Variants in GPC6 observed in about 807,000 individuals in gnomAD.
GPC6 encodes glypican-6.
Under a neutral mutation model 55.2 loss-of-function variants are expected in GPC6, and 14 were observed. That is an observed-to-expected ratio of 0.25 (90% confidence interval 0.17 to 0.40). The LOEUF is 0.40. GPC6 is among the 10% of genes least tolerant of loss of function. The pLI is 1.00. For missense variants in GPC6, 641 were observed against 708.5 expected (o/e 0.90, Z 1.08); for synonymous variants, 278 against 259.6 (o/e 1.07, Z -0.68).
intron 3 of GPC6, among the ~76,000 whole-genome samples, chr13:93,905,472 A>G (rs779196378): frequency 6.6e-6 from 1 of 152,196 alleles, no homozygotes; most frequent in Non-Finnish European, 1.5e-5. Flanking sequence ...GGCACAAGTT[A>G]CAATTTCCTG....
rs1317617570 is a variant in GPC6, at chr13:93,783,572, A to ATCTG, written c.320-46578_320-46575dup. ...CTCACTGTGGTTTTGAGATCTATCT[A>ATCTG]TCTGTCTATCTATCTATCTATCTAT... On this transcript the variant is annotated intron_variant, in intron 2 of 8. Coordinates refer to ENST00000377047, the MANE Select transcript of GPC6 (RefSeq NM_005708.5). Among the ~76,000 whole-genome samples the ATCTG allele has an allele frequency of 5.3e-5, 7 of 131,346 alleles. No homozygotes were observed. The South Asian group carries it at 1.7e-3, about 32-fold the overall frequency. The allele number at this position is 131,346 out of a possible 152,430, so 86.2% of individuals were successfully genotyped here.
chr13:93,822,213 T>C (rs1887073169), intron 2 of GPC6, among the ~76,000 whole-genome samples: 1 of 152,100 alleles, frequency 6.6e-6, no homozygotes, highest in Non-Finnish European at 1.5e-5. Context: ...TGTGTACAAA[T>C]ATCATAAAAT....
chr13:94,382,371 C>T, intron 6 of GPC6, 43 bp from the exon 7 acceptor site: 1 of 1,610,976 alleles, frequency 6.2e-7, no homozygotes, highest in Non-Finnish European at 8.5e-7. Flanking sequence ...ATGGGGAAAG[C>T]CTGAGCAGAA....
rs549537030 is a variant in GPC6, at chr13:93,653,943, C to T, written c.319+108522C>T. ...TCACACTTTTATCCGCCTAGAGAAG[C>T]GGAAATCTGTTTTACTCTGTCACTC... On this transcript the variant is annotated intron_variant, in intron 2 of 8. Transcript: ENST00000377047. Among the ~76,000 whole-genome samples the T allele has an allele frequency of 2.0e-4, 30 of 152,242 alleles. No homozygotes were observed. The East Asian group carries it at 5.6e-3, about 28-fold the overall frequency.
intron 2 of GPC6, among the ~76,000 whole-genome samples, chr13:93,771,084 T>C (rs1885274984): frequency 6.6e-6 from 1 of 152,154 alleles, no homozygotes; most frequent in African/African-American, 2.4e-5. Flanking sequence ...GTGCCAAACA[T>C]ATTGATAACA....
chr13:94,101,174 A>C (rs1885842055), intron 4 of GPC6, among the ~76,000 whole-genome samples: 1 of 152,194 alleles, frequency 6.6e-6, no homozygotes, highest in Admixed American at 6.5e-5. Flanking sequence ...TCTGTTTTAA[A>C]CTATACATTA....
chr13:93,774,075 A>T (rs554624090), intron 2 of GPC6, among the ~76,000 whole-genome samples: 33 of 152,312 alleles, frequency 2.2e-4, no homozygotes, highest in African/African-American at 7.2e-4. Flanking sequence ...GCCATTGTAT[A>T]TGACATGGGG....
intron 1 of GPC6, among the ~76,000 whole-genome samples, chr13:93,353,417 A>T (rs1880702441): frequency 6.6e-6 from 1 of 152,194 alleles, no homozygotes; most frequent in Admixed American, 6.5e-5. Flanking sequence ...TGGCATAATA[A>T]CTAGGAGCAT....
In GPC6 at chr13:94,083,009, A is replaced by G. The variant is rs1185790920; in HGVS notation, c.877+55115A>G. Among the ~76,000 whole-genome samples, 3 of 152,324 alleles carry G rather than the reference A, an allele frequency of 2.0e-5. No individual in the cohort carries two copies. The East Asian group carries it at 5.8e-4, about 29-fold the overall frequency. On this transcript the variant is annotated intron_variant, in intron 4 of 8. Coordinates refer to ENST00000377047, the MANE Select transcript of GPC6 (RefSeq NM_005708.5). ...GGCATATCTGTTCACGAATTGACTCATGATCTGTCAGAGATTTTCACCTAG... is the reference window on the plus strand; with the variant it reads ...GGCATATCTGTTCACGAATTGACTCGTGATCTGTCAGAGATTTTCACCTAG...
intron 2 of GPC6, among the ~76,000 whole-genome samples, chr13:93,552,890 A>G (rs1360321325): frequency 6.6e-6 from 1 of 152,230 alleles, no homozygotes; most frequent in African/African-American, 2.4e-5. Context: ...GAGAAATTTT[A>G]TTTAAGTTAA....
chr13:93,324,607 TATATAA>T lies in GPC6; in HGVS notation c.160+96993_160+96998del, dbSNP rs1176601087. On this transcript the variant is annotated intron_variant, in intron 1 of 8. Transcript: ENST00000377047. ...ACATACATATATATATATATATATA[TATATAA>T]AATCTCTGAGCAGCCTAGACAACAA... 6.5e-4 allele frequency among the ~76,000 whole-genome samples: 60 copies of T among 91,954 alleles called. 1 individual carries two copies. The highest frequency in any genetic ancestry group is 5.1e-3 in the South Asian group (11 of 2,138). The allele number at this position is 91,954 out of a possible 152,430, so 60.3% of individuals were successfully genotyped here.
intron 1 of GPC6, among the ~76,000 whole-genome samples, chr13:93,446,406 CT>C (rs5805805): frequency 0.17 from 25,977 of 152,006 alleles, 2,740 homozygotes; most frequent in Non-Finnish European, 0.24. Context: ...TTCAGAAATA[CT>C]GCAATCACAA....
At chr13:93,372,129 G>C (rs1874680681) in intron 1 of GPC6, among the ~76,000 whole-genome samples, 1 of 152,276 alleles carries the variant, frequency 6.6e-6, no homozygotes, top group Non-Finnish European at 1.5e-5. Context: ...TTTTCAGTAT[G>C]TATGTGTATC....
chr13:93,386,432 G>A (rs1006294443), intron 1 of GPC6, among the ~76,000 whole-genome samples: 1 of 152,130 alleles, frequency 6.6e-6, no homozygotes, highest in South Asian at 2.1e-4. Context: ...CATGGCCCAC[G>A]GGAACCAATC....
At chr13:93,893,632 C>T (rs781657226) in intron 3 of GPC6, among the ~76,000 whole-genome samples, 2 of 152,076 alleles carry the variant, frequency 1.3e-5, no homozygotes, top group Admixed American at 6.6e-5. Context: ...TTCCACTCAC[C>T]CACAAGGATT....
chr13:94,346,932 C>T (rs1878322394), intron 6 of GPC6, among the ~76,000 whole-genome samples: 1 of 152,112 alleles, frequency 6.6e-6, no homozygotes, highest in Non-Finnish European at 1.5e-5. Context: ...TCTCACTGCT[C>T]AACATCCTAC....
chr13:93,915,584 G>GA (rs1320661876), intron 3 of GPC6, among the ~76,000 whole-genome samples: 1 of 152,156 alleles, frequency 6.6e-6, no homozygotes, highest in Admixed American at 6.5e-5. Context: ...TGTTCCACTG[G>GA]AAAAAATTCT....
intron 6 of GPC6, among the ~76,000 whole-genome samples, chr13:94,319,021 C>A (rs1876685401): frequency 6.6e-6 from 1 of 151,948 alleles, no homozygotes; most frequent in African/African-American, 2.4e-5. Flanking sequence ...TTTTAAAATC[C>A]AGAATAACAA....
At chr13:94,033,592 G>T (rs565544597) in intron 4 of GPC6, among the ~76,000 whole-genome samples, 1 of 152,164 alleles carries the variant, frequency 6.6e-6, no homozygotes, top group African/African-American at 2.4e-5. Context: ...CAGAAGGAAC[G>T]ATTTCAAGCA....
Sources: gnomAD v4.1 joint callset for allele counts (sites outside exome capture counted in the v4.1 genomes callset) on GRCh38, gnomAD v4.1.1 for gene constraint, MANE v1.5 for transcripts, NCBI Gene and HGNC (gene_info 2026-07-23, HGNC 2026-07-21) for gene names.